Variants in TBC1D21 observed in about 807,000 individuals in gnomAD.
TBC1D21 encodes the protein TBC1 domain family member 21, also known as male germ cell Rab GTPase-activating protein.
In TBC1D21, 38 loss-of-function variants were observed where a neutral mutation model predicts 46.0. The ratio of observed to expected loss-of-function variants is 0.83; its 90% CI spans 0.64 to 1.08. The LOEUF is 1.08. Among genes scored for constraint, TBC1D21 ranks in the 50% least tolerant of loss-of-function variants. The probability of loss-of-function intolerance (pLI) is 0.00; values close to 1 mark genes in which losing one functional copy is unlikely to be tolerated. For missense variants in TBC1D21, 415 were observed against 417.9 expected, an observed-to-expected ratio of 0.99 and a Z score of 0.06; for synonymous variants, 151 against 157.2, an observed-to-expected ratio of 0.96 and a Z score of 0.29.
the TBC1D21 span, among the ~76,000 whole-genome samples, chr15:73,903,163 C>T: frequency 1.3e-5 from 2 of 152,254 alleles, no homozygotes; most frequent in Admixed American, 6.5e-5. Flanking sequence ...AAAATCACAA[C>T]CACCTCTGTG....
At position 73,887,735 on chromosome 15, in the gene TBC1D21, T is replaced by G; in HGVS notation, c.893T>G (p.Leu298Arg). Residue 298 changes from leucine (L) to arginine (R), a missense_variant and splice_region_variant, in exon 9 of 11, where the codon CTG becomes CGG. By Grantham distance (102) the Leu-to-Arg change is moderately radical. Coordinates refer to ENST00000300504, the MANE Select transcript of TBC1D21 (RefSeq NM_153356.3). The part of the protein sequence containing the change: ...QESMGGDDIL[L>R]ACNNLIDLDA... ...AGCATGGGCGGGGATGACATCCTCC[T>G]GGTGAGAGCACCCTCGGGCAAGCTA... 1.9e-6 allele frequency: 3 copies of G among 1,612,898 alleles called. No homozygotes were observed. Among genetic ancestry groups the G allele is most frequent in the Non-Finnish European group, 2.5e-6 (3 of 1,179,382 alleles).
At chr15:73,893,958 G>T (rs1055449638), downstream of TBC1D21, among the ~76,000 whole-genome samples, 1 of 152,176 alleles carries the variant, frequency 6.6e-6, no homozygotes, top group African/African-American at 2.4e-5. Flanking sequence ...TATGTTCCAC[G>T]CCTTGTGCTA....
intron 6 of TBC1D21, among the ~76,000 whole-genome samples, chr15:73,885,381 T>A (rs1362414053): frequency 6.6e-6 from 1 of 152,172 alleles, no homozygotes; most frequent in East Asian, 1.9e-4. Flanking sequence ...AGGTGCCCTC[T>A]CCTGGCATTT....
intron 10 of TBC1D21, 123 bp downstream of exon 10, chr15:73,888,636 CTCT>C (rs758293999): frequency 1.4e-3 from 988 of 722,926 alleles, no homozygotes; most frequent in Non-Finnish European, 1.8e-3. Context: ...CTTCCTCCTC[CTCT>C]TCTTCTTCCT....
chr15:73,893,921 C>T (rs1364352939), downstream of TBC1D21, among the ~76,000 whole-genome samples: 1 of 152,238 alleles, frequency 6.6e-6, no homozygotes, highest in Non-Finnish European at 1.5e-5. Context: ...CACAATTATA[C>T]AGAAGCTGTA....
the TBC1D21 span, among the ~76,000 whole-genome samples, chr15:73,897,463 A>C: frequency 2.0e-5 from 3 of 152,240 alleles, no homozygotes; most frequent in Non-Finnish European, 4.4e-5. Flanking sequence ...CTGTAGCCAC[A>C]GGAGAGAGGA....
At position 73,889,122 on chromosome 15, in the gene TBC1D21, G is replaced by T; in HGVS notation, c.*21G>T. On this transcript the variant is annotated 3_prime_UTR_variant, in exon 11 of 11. Transcript: ENST00000300504. ...TCTGAGGACACCAAAGCCCGCAGTGGACTGATGCCTTCGATGGGCAGGATG... is the reference window on the plus strand; with the variant it reads ...TCTGAGGACACCAAAGCCCGCAGTGTACTGATGCCTTCGATGGGCAGGATG... The T allele has an allele frequency of 1.2e-6, 2 of 1,611,306 alleles. No individual in the cohort carries two copies. The highest frequency in any genetic ancestry group is 1.7e-6 in the Non-Finnish European group (2 of 1,178,762).
chr15:73,891,807 G>A (rs923665029), downstream of TBC1D21, among the ~76,000 whole-genome samples: 24 of 152,228 alleles, frequency 1.6e-4, no homozygotes, highest in African/African-American at 4.6e-4. Flanking sequence ...TTTGGGCACC[G>A]ACAAGCATGG....
intron 1 of TBC1D21, among the ~76,000 whole-genome samples, chr15:73,874,897 T>C (rs1034445813): frequency 3.9e-5 from 6 of 152,164 alleles, no homozygotes; most frequent in Admixed American, 6.5e-5. Context: ...ATTGCTGAAG[T>C]GGGAACCCCT....
chr15:73,884,415 C>A (rs979931993), intron 4 of TBC1D21, among the ~76,000 whole-genome samples, 170 bp downstream of exon 4: 1 of 152,186 alleles, frequency 6.6e-6, no homozygotes, highest in South Asian at 2.1e-4. Flanking sequence ...ACCAGTCTCT[C>A]CTGGGTGGCC....
At chr15:73,891,335 GCATTTAT>G (rs1271152702), downstream of TBC1D21, among the ~76,000 whole-genome samples, 1 of 152,204 alleles carries the variant, frequency 6.6e-6, no homozygotes, top group Admixed American at 6.5e-5. Context: ...ATTTCAGCAT[GCATTTAT>G]TCAGTACTGT....
intron 4 of TBC1D21, 85 bp from the exon 5 acceptor site, chr15:73,884,696 C>A: frequency 3.3e-6 from 3 of 921,878 alleles, no homozygotes; most frequent in Non-Finnish European, 1.7e-6. Flanking sequence ...CTAGGGCCTG[C>A]CCATTGGGGT....
chr15:73,890,674 C>T (rs2068329577), downstream of TBC1D21, among the ~76,000 whole-genome samples: 1 of 151,970 alleles, frequency 6.6e-6, no homozygotes, highest in Admixed American at 6.6e-5. Flanking sequence ...CTTCAGATGG[C>T]CGATTATTTT....
chr15:73,897,810 C>G, the TBC1D21 span, among the ~76,000 whole-genome samples: 1 of 152,216 alleles, frequency 6.6e-6, no homozygotes, highest in Non-Finnish European at 1.5e-5. Context: ...GCCTTGTACT[C>G]TAGCTGCAAA....
chr15:73,895,966 A>G, the TBC1D21 span, among the ~76,000 whole-genome samples: 1 of 152,148 alleles, frequency 6.6e-6, no homozygotes, highest in Non-Finnish European at 1.5e-5. Flanking sequence ...GATAGGGATG[A>G]TGGAGGTGGT....
At chr15:73,886,277 C>A (rs1325141089) in intron 7 of TBC1D21, 103 bp downstream of exon 7, 3 of 1,075,176 alleles carry the variant, frequency 2.8e-6, no homozygotes, top group Non-Finnish European at 4.2e-6. Context: ...TGGAGAGCAG[C>A]AGAATCATTT....
At chr15:73,891,718 T>A (rs2068338168), downstream of TBC1D21, among the ~76,000 whole-genome samples, 1 of 152,278 alleles carries the variant, frequency 6.6e-6, no homozygotes, top group Middle Eastern at 3.4e-3. Flanking sequence ...CCAGGTGCTG[T>A]CACAACCCGG....
the TBC1D21 span, among the ~76,000 whole-genome samples, chr15:73,901,899 C>T: frequency 3.3e-5 from 5 of 152,100 alleles, no homozygotes; most frequent in Non-Finnish European, 7.4e-5. Context: ...GCAGCCTTGA[C>T]CTCCCAAGCT....
intron 8 of TBC1D21, 117 bp downstream of exon 8, chr15:73,886,729 G>A: frequency 1.0e-6 from 1 of 986,284 alleles, no homozygotes; most frequent in Non-Finnish European, 1.6e-6. Flanking sequence ...CAGTATCTCG[G>A]GGTTTTGTTA....
Sources: allele counts gnomAD v4.1 joint callset (sites outside exome capture counted in the v4.1 genomes callset), GRCh38; gene constraint gnomAD v4.1.1; transcripts MANE v1.5; gene names NCBI Gene and HGNC (gene_info 2026-07-23, HGNC 2026-07-21).